BCL11B: variants seen among roughly 807,000 people sequenced by gnomAD.
BCL11B encodes B-cell lymphoma/leukemia 11B.
Under a neutral mutation model 49.9 loss-of-function variants are expected in BCL11B, and 8 were observed. That is an observed-to-expected ratio of 0.16 (90% CI 0.09 to 0.29). The LOEUF is 0.29. Ranked by LOEUF, BCL11B falls within the 10% of genes least tolerant of loss-of-function variation. The pLI, the probability that BCL11B is intolerant of heterozygous loss-of-function variation, is 1.00. For missense variants in BCL11B, 1,006 were observed against 1,351.0 expected, an observed-to-expected ratio of 0.74 and a Z score of 4.00; for synonymous variants, 739 against 637.4, an observed-to-expected ratio of 1.16 and a Z score of -2.40.
Position 99,169,843 on chromosome 14 carries a change from C to A in BCL11B, c.*4308G>T, listed in dbSNP as rs1427961562. ...ATTTTGCTTAGAGTAATTCAGTCTC[C>A]TTCTCTCCCCATGAAAGACCCTCTA... On this transcript the variant is annotated 3_prime_UTR_variant, in exon 4 of 4. Coordinates refer to ENST00000357195, the MANE Select transcript of BCL11B (RefSeq NM_138576.4). 1 of 227,444 alleles carries A rather than the reference C, an allele frequency of 4.4e-6. No homozygotes were observed. Among genetic ancestry groups the A allele is most frequent in the Non-Finnish European group, 8.8e-6 (1 of 114,156 alleles). 14.1% of individuals were successfully genotyped at this position (227,444 alleles called of 1,614,324 possible).
intron 3 of BCL11B, among the ~76,000 whole-genome samples, chr14:99,197,881 A>C (rs961646060): frequency 6.6e-6 from 1 of 152,284 alleles, no homozygotes; most frequent in East Asian, 1.9e-4. Flanking sequence ...TCTGCTGTGC[A>C]GGCCCCTGAC....
rs372020796 is a variant in BCL11B at position 99,174,746 on chromosome 14, G to A, written c.2090C>T (p.Pro697Leu). The change falls in exon 4 of 4, where the codon CCG becomes CTG. Residue 697 changes from proline to leucine, a missense_variant. By Grantham distance (98) the Pro-to-Leu change is moderately conservative. This residue lies in a region of BCL11B where 443 missense variants were observed against 499.7 expected (regional missense o/e 0.89). Transcript: ENST00000357195. ...CTCGGACGGGATGAGCGCGGCGGGC[G>A]GCAGCTCCAGGTCCTTCTCCACCTT... The part of the protein sequence containing the change: ...RIKVEKDLEL[P>L]PAALIPSENV... 7 of 1,520,874 alleles carry A rather than the reference G, an allele frequency of 4.6e-6. No homozygotes were observed. Among genetic ancestry groups the A allele is most frequent in the East Asian group, 2.6e-5 (1 of 37,884 alleles). 94.2% of individuals were successfully genotyped at this position (1,520,874 alleles called of 1,614,324 possible).
intron 3 of BCL11B, among the ~76,000 whole-genome samples, chr14:99,203,380 G>T (rs1417885234): frequency 2.0e-5 from 3 of 152,196 alleles, no homozygotes; most frequent in African/African-American, 4.8e-5. Context: ...CTAGTGGCAG[G>T]ATGCTGACAT....
chr14:99,188,277 T>C (rs1367965212), intron 3 of BCL11B, among the ~76,000 whole-genome samples: 1 of 152,120 alleles, frequency 6.6e-6, no homozygotes, highest in Non-Finnish European at 1.5e-5. Context: ...AATTATAGGG[T>C]AAAAAACTGG....
chr14:99,194,830 G>C lies in BCL11B; in HGVS notation c.641-18635C>G, dbSNP rs576639188. 1.6e-4 allele frequency among the ~76,000 whole-genome samples: 24 copies of C among 152,268 alleles called. No homozygotes were observed. The highest frequency in any genetic ancestry group is 5.5e-4 in the African/African-American group (23 of 41,552). On this transcript the variant is annotated intron_variant, in intron 3 of 3. Transcript: ENST00000357195. This position sits in a 1 kb window ranked among gnomAD's most constrained non-coding sequence, Gnocchi z 4.6. ...GAGGATGCAGACAGGCCTGAACCAC[G>C]GGCACCCGACCAGTAGGACCTTGGT...
At position 99,228,060 on chromosome 14, in the gene BCL11B, T is replaced by G. The variant is rs1888209580; in HGVS notation, c.640+3285A>C. On this transcript the variant is annotated intron_variant, in intron 3 of 3. Coordinates refer to ENST00000357195, the MANE Select transcript of BCL11B (RefSeq NM_138576.4). This position sits in a 1 kb window ranked among gnomAD's most constrained non-coding sequence, Gnocchi z 4.8. ...CCCCCCGTAAAATCACATCCTTCTA[T>G]AAATAACTGCAGATGCGGTAACAGG... Among the ~76,000 whole-genome samples, 1 of 152,146 alleles carries G rather than the reference T, an allele frequency of 6.6e-6. No individual in the cohort carries two copies. The highest frequency in any genetic ancestry group is 1.5e-5 in the Non-Finnish European group (1 of 68,022).
At chr14:99,206,345 TAC>T (rs1407225471) in intron 3 of BCL11B, among the ~76,000 whole-genome samples, 2 of 152,248 alleles carry the variant, frequency 1.3e-5, no homozygotes, top group Non-Finnish European at 2.9e-5. Flanking sequence ...AGTTCCCTGT[TAC>T]CCGTGGTTTC....
chr14:99,204,672 C>A (rs1887484172), intron 3 of BCL11B, among the ~76,000 whole-genome samples: 2 of 152,168 alleles, frequency 1.3e-5, no homozygotes, highest in Non-Finnish European at 2.9e-5. Context: ...GGGAGCCTAA[C>A]AAGAGTGTCT....
At chr14:99,188,841 G>A (rs1886939478) in intron 3 of BCL11B, among the ~76,000 whole-genome samples, 1 of 152,256 alleles carries the variant, frequency 6.6e-6, no homozygotes, top group Non-Finnish European at 1.5e-5. Flanking sequence ...GTGCCCGCCT[G>A]GCCGAGTCTG....
At position 99,231,341 on chromosome 14, in the gene BCL11B, T is replaced by C; in HGVS notation, c.640+4A>G. On this transcript the variant is annotated splice_donor_region_variant and intron_variant, in intron 3 of 3. Transcript: ENST00000357195. The surrounding 1 kb of genome is among the most constrained non-coding windows in gnomAD (Gnocchi z 8.1). ...CCGCCCCCCACCGCGGCGTCGTCTGTTACCTGACAACTGACACTGGCATCC... is the reference window on the plus strand; with the variant it reads ...CCGCCCCCCACCGCGGCGTCGTCTGCTACCTGACAACTGACACTGGCATCC... The C allele has an allele frequency of 6.2e-7, 1 of 1,609,288 alleles. No homozygotes were observed.
chr14:99,244,848 T>G (rs764319619), intron 2 of BCL11B, among the ~76,000 whole-genome samples: 6 of 152,246 alleles, frequency 3.9e-5, no homozygotes, highest in Non-Finnish European at 7.3e-5. Flanking sequence ...GCCCAGCAAG[T>G]GTAACATACT....
At chr14:99,259,909 G>A (rs1889287199) in intron 1 of BCL11B, among the ~76,000 whole-genome samples, 1 of 152,136 alleles carries the variant, frequency 6.6e-6, no homozygotes, top group Admixed American at 6.5e-5. Flanking sequence ...GAATGTAAAA[G>A]GTAATTATTT....
Position 99,224,664 on chromosome 14 carries a change from C to T in BCL11B, c.640+6681G>A, listed in dbSNP as rs1281956978. Among the ~76,000 whole-genome samples, 7 of 152,298 alleles carry T rather than the reference C, an allele frequency of 4.6e-5. No homozygotes were observed. The South Asian group carries it at 1.0e-3, about 23-fold the overall frequency. On this transcript the variant is annotated intron_variant, in intron 3 of 3. Transcript: ENST00000357195. The stretch of plus-strand genomic sequence containing the variant: ...AGGTGCTGGTCATGGGCTGTGGCCA[C>T]GCCCAGATGGTAGCTGTTCATGGGA...
intron 3 of BCL11B, among the ~76,000 whole-genome samples, chr14:99,177,582 G>A (rs1411997463): frequency 2.3e-5 from 3 of 131,040 alleles, no homozygotes; most frequent in Admixed American, 7.7e-5. Context: ...TCCCAGCTCA[G>A]ATCCAGCAGA....
At chr14:99,215,229 A>C (rs1030143686) in intron 3 of BCL11B, among the ~76,000 whole-genome samples, 4 of 152,180 alleles carry the variant, frequency 2.6e-5, no homozygotes, top group African/African-American at 4.8e-5. Flanking sequence ...ATTCATCCAA[A>C]TGTGTCACTA....
intron 2 of BCL11B, among the ~76,000 whole-genome samples, chr14:99,238,251 C>T (rs1399571139): frequency 6.6e-6 from 1 of 152,140 alleles, no homozygotes. Context: ...CGTCCCCCAC[C>T]GACACTACCA....
intron 1 of BCL11B, among the ~76,000 whole-genome samples, chr14:99,260,647 CTTTT>C (rs1000645118): frequency 2.0e-5 from 3 of 152,068 alleles, no homozygotes; most frequent in Non-Finnish European, 2.9e-5. Flanking sequence ...TTTCTCTCCT[CTTTT>C]TTTTATTTTT....
intron 3 of BCL11B, among the ~76,000 whole-genome samples, chr14:99,207,248 T>A (rs1887558230): frequency 6.6e-6 from 1 of 152,198 alleles, no homozygotes; most frequent in South Asian, 2.1e-4. Flanking sequence ...TTCCTCTTAT[T>A]ATGACATAAA....
rs943869668 is a variant in BCL11B at position 99,203,482 on chromosome 14, A to T, written c.641-27287T>A. Among the ~76,000 whole-genome samples, 3 of 152,306 alleles carry T rather than the reference A, an allele frequency of 2.0e-5. No individual in the cohort carries two copies. The South Asian group carries it at 6.2e-4, about 32-fold the overall frequency. On this transcript the variant is annotated intron_variant, in intron 3 of 3. Transcript: ENST00000357195. ...AAGAGGTTAACGAAAGGAAAGGTGC[A>T]CCACGTTCCATCAGTGTCAGTGAGG...
Sources: allele counts gnomAD v4.1 joint callset (sites outside exome capture counted in the v4.1 genomes callset), GRCh38; gene constraint gnomAD v4.1.1; regional missense constraint gnomAD v4.1.1; non-coding constraint Gnocchi (gnomAD v3.1); transcripts MANE v1.5; gene names NCBI Gene and HGNC (gene_info 2026-07-23, HGNC 2026-07-21).